The following CSMD1 variants were observed in gnomAD, a reference collection of about 807,000 sequenced individuals.
The protein encoded by CSMD1 is CUB and Sushi multiple domains 1, also known as CUB and sushi domain-containing protein 1.
In CSMD1, 213 loss-of-function variants were observed where a neutral mutation model predicts 417.5. The ratio of observed to expected loss-of-function variants is 0.51; its 90% CI spans 0.46 to 0.57. The LOEUF (loss-of-function observed/expected upper bound fraction) is 0.57. Ranked by LOEUF, CSMD1 falls within the 20% of genes least tolerant of loss-of-function variation. The pLI is 0.00. For missense variants in CSMD1, 6,923 were observed against 4,529.7 expected (o/e 1.53, Z -15.17); for synonymous variants, 2,862 against 1,736.8 (o/e 1.65, Z -16.11).
chr8:4,381,285 G>C (rs1461623879), intron 3 of CSMD1, among the ~76,000 whole-genome samples: 3 of 152,152 alleles, frequency 2.0e-5, no homozygotes, highest in Admixed American at 6.5e-5. Flanking sequence ...GCCTTCCAGA[G>C]GTTGGGGAAA....
intron 1 of CSMD1, among the ~76,000 whole-genome samples, chr8:4,786,181 T>C (rs954980052): frequency 6.6e-5 from 10 of 152,244 alleles, no homozygotes; most frequent in Non-Finnish European, 1.3e-4. Context: ...CCACCTGCTC[T>C]ACCATCTTGG....
intron 26 of CSMD1, among the ~76,000 whole-genome samples, chr8:3,236,244 T>C (rs933254497): frequency 6.6e-6 from 1 of 152,132 alleles, no homozygotes; most frequent in African/African-American, 2.4e-5. Flanking sequence ...ATAAAATAAT[T>C]ATATATACAT....
intron 1 of CSMD1, among the ~76,000 whole-genome samples, chr8:4,841,778 G>A (rs553696783): frequency 3.3e-5 from 5 of 151,760 alleles, no homozygotes; most frequent in African/African-American, 1.2e-4. Flanking sequence ...GGGCGTGGTG[G>A]CACATGCCTG....
intron 1 of CSMD1, among the ~76,000 whole-genome samples, chr8:4,758,389 G>C (rs1266402863): frequency 1.3e-5 from 2 of 152,090 alleles, no homozygotes; most frequent in Admixed American, 1.3e-4. Flanking sequence ...CCCAATCCTG[G>C]TAGAATGAGC....
At chr8:4,486,109 GTATATATACATACATATATA>G (rs1563223416) in intron 2 of CSMD1, among the ~76,000 whole-genome samples, 47 of 135,432 alleles carry the variant, frequency 3.5e-4, no homozygotes, top group Admixed American at 5.2e-4. Context: ...ATATATGTAT[GTATATATACATACATATATA>G]TATATATACA....
intron 3 of CSMD1, among the ~76,000 whole-genome samples, chr8:4,066,019 G>C (rs1799227612): frequency 6.6e-6 from 1 of 152,190 alleles, no homozygotes; most frequent in African/African-American, 2.4e-5. Context: ...AATATCCTTG[G>C]AGGAAGTCAG....
At chr8:4,493,971 T>G (rs183101042) in intron 2 of CSMD1, among the ~76,000 whole-genome samples, 2 of 152,264 alleles carry the variant, frequency 1.3e-5, no homozygotes, top group African/African-American at 2.4e-5. Context: ...TTCTACTGAT[T>G]AACTTCAAAT....
chr8:4,133,864 T>C (rs1262374910), intron 3 of CSMD1, among the ~76,000 whole-genome samples: 2 of 152,164 alleles, frequency 1.3e-5, no homozygotes, highest in African/African-American at 4.8e-5. Context: ...GTTACACATA[T>C]AAAGACAGGA....
intron 5 of CSMD1, among the ~76,000 whole-genome samples, chr8:3,984,701 T>C (rs1224828152): frequency 3.1e-5 from 3 of 97,002 alleles, no homozygotes; most frequent in Non-Finnish European, 6.4e-5. Flanking sequence ...TCAGTGTATA[T>C]ATCATATATA....
chr8:3,011,741 C>A (rs565224433), intron 52 of CSMD1, among the ~76,000 whole-genome samples: 1 of 152,272 alleles, frequency 6.6e-6, no homozygotes, highest in South Asian at 2.1e-4. Flanking sequence ...AGGATGGGTT[C>A]TTATGTGCTG....
At chr8:3,866,741 T>C (rs1415173539) in intron 5 of CSMD1, among the ~76,000 whole-genome samples, 1 of 152,064 alleles carries the variant, frequency 6.6e-6, no homozygotes, top group East Asian at 1.9e-4. Flanking sequence ...CCACAGGGAT[T>C]CTCCTGATGG....
intron 21 of CSMD1, among the ~76,000 whole-genome samples, chr8:3,355,524 C>T (rs1420134874): frequency 6.6e-6 from 1 of 152,156 alleles, no homozygotes; most frequent in African/African-American, 2.4e-5. Context: ...AGGCATGGGA[C>T]TCAATGTGGG....
intron 3 of CSMD1, among the ~76,000 whole-genome samples, chr8:4,080,147 G>C (rs952905694): frequency 6.6e-6 from 1 of 151,836 alleles, no homozygotes; most frequent in Non-Finnish European, 1.5e-5. Flanking sequence ...TGCTCAGTTT[G>C]CAATTTACAA....
At chr8:3,886,554 C>G (rs555332336) in intron 5 of CSMD1, among the ~76,000 whole-genome samples, 1 of 152,182 alleles carries the variant, frequency 6.6e-6, no homozygotes, top group African/African-American at 2.4e-5. Context: ...ACTTTAATGA[C>G]GAAGCGTGGC....
At chr8:3,270,769 G>C (rs1166984023) in intron 26 of CSMD1, among the ~76,000 whole-genome samples, 2 of 152,076 alleles carry the variant, frequency 1.3e-5, no homozygotes, top group African/African-American at 2.4e-5. Flanking sequence ...GTATTAGTCT[G>C]TTTTCATGCT....
chr8:3,675,079 G>A (rs974748995), intron 7 of CSMD1, among the ~76,000 whole-genome samples: 2 of 152,094 alleles, frequency 1.3e-5, no homozygotes, highest in African/African-American at 2.4e-5. Flanking sequence ...GAATACCGTC[G>A]ACCATAAAAC....
intron 3 of CSMD1, among the ~76,000 whole-genome samples, chr8:4,290,315 G>T (rs559856332): frequency 2.6e-5 from 4 of 152,144 alleles, no homozygotes; most frequent in African/African-American, 9.7e-5. Flanking sequence ...AATTTCAGAT[G>T]GTCGTGTTTG....
chr8:3,770,174 C>G (rs771995612), intron 5 of CSMD1, among the ~76,000 whole-genome samples: 4 of 152,218 alleles, frequency 2.6e-5, no homozygotes, highest in Non-Finnish European at 5.9e-5. Flanking sequence ...CACACTCATA[C>G]AGGTCCCTCT....
intron 2 of CSMD1, among the ~76,000 whole-genome samples, chr8:4,493,767 A>C (rs1015288082): frequency 1.3e-5 from 2 of 152,154 alleles, no homozygotes; most frequent in African/African-American, 4.8e-5. Context: ...AATAGAATCA[A>C]CTCTATCCCT....
Sources: gnomAD v4.1 joint callset for allele counts (sites outside exome capture counted in the v4.1 genomes callset) on GRCh38, gnomAD v4.1.1 for gene constraint, MANE v1.5 for transcripts, NCBI Gene and HGNC (gene_info 2026-07-23, HGNC 2026-07-21) for gene names.